NAV3: variants seen among roughly 807,000 people sequenced by gnomAD.
The protein encoded by NAV3 is neuron navigator 3.
In NAV3, 87 loss-of-function variants were observed where a neutral mutation model predicts 244.7. The observed-to-expected ratio is 0.36, with a 90% CI of 0.30 to 0.42. NAV3 has a LOEUF of 0.42. Ranked by LOEUF, NAV3 falls within the 20% of genes least tolerant of loss-of-function variation. The pLI is 1.00. For missense variants in NAV3, 2,663 were observed against 2,893.3 expected, an observed-to-expected ratio of 0.92 and a Z score of 1.83; for synonymous variants, 1,126 against 1,042.2, an observed-to-expected ratio of 1.08 and a Z score of -1.55.
At chr12:78,197,149 C>T (rs942609603) in intron 34 of NAV3, 98 bp from the exon 35 acceptor site, 36 of 862,566 alleles carry the variant, frequency 4.2e-5, no homozygotes, top group African/African-American at 1.2e-4. Flanking sequence ...ATGAAAGAAA[C>T]GGAATAGAGG....
chr12:77,945,367 G>T (rs946128146), intron 3 of NAV3, among the ~76,000 whole-genome samples: 15 of 152,264 alleles, frequency 9.9e-5, no homozygotes, highest in Non-Finnish European at 2.2e-4. Flanking sequence ...AAAAGGTTAT[G>T]ATGGGGTGAA....
chr12:78,050,632 G>T, intron 10 of NAV3, 132 bp from the exon 11 acceptor site: 1 of 923,828 alleles, frequency 1.1e-6, no homozygotes, highest in Non-Finnish European at 1.6e-6. Flanking sequence ...AATGAATATA[G>T]AGTTTAGCTT....
intron 2 of NAV3, among the ~76,000 whole-genome samples, chr12:77,767,538 G>C (rs1480035892): frequency 6.6e-6 from 1 of 152,216 alleles, no homozygotes; most frequent in African/African-American, 2.4e-5. Flanking sequence ...GAGTAGGTGA[G>C]TGTGGGGTCC....
At chr12:77,955,008 C>G (rs1287218088) in intron 3 of NAV3, among the ~76,000 whole-genome samples, 1 of 152,104 alleles carries the variant, frequency 6.6e-6, no homozygotes, top group Non-Finnish European at 1.5e-5. Flanking sequence ...GGAGGATGTT[C>G]CTCATTGAGC....
At chr12:77,874,569 C>T (rs1833360037) in intron 1 of NAV3, among the ~76,000 whole-genome samples, 1 of 151,860 alleles carries the variant, frequency 6.6e-6, no homozygotes, top group Admixed American at 6.6e-5. Context: ...TCTAAACTTA[C>T]TTGCATTGCT....
intron 24 of NAV3, among the ~76,000 whole-genome samples, chr12:78,174,754 G>A (rs916873444): frequency 6.6e-6 from 1 of 151,838 alleles, no homozygotes; most frequent in African/African-American, 2.4e-5. Flanking sequence ...GTTTGACTTT[G>A]GCCAAGTTAC....
At chr12:77,808,644 C>G (rs1431096900) in intron 2 of NAV3, among the ~76,000 whole-genome samples, 1 of 152,180 alleles carries the variant, frequency 6.6e-6, no homozygotes, top group Non-Finnish European at 1.5e-5. Flanking sequence ...AGTCAGGAGG[C>G]GCAGGGATCA....
At chr12:77,821,534 G>A (rs574290717) in intron 2 of NAV3, among the ~76,000 whole-genome samples, 1 of 152,138 alleles carries the variant, frequency 6.6e-6, no homozygotes, top group South Asian at 2.1e-4. Flanking sequence ...AGTATTCCAA[G>A]TGATCCTATA....
chr12:77,667,522 C>T (rs1873770129), intron 2 of NAV3, among the ~76,000 whole-genome samples: 1 of 152,036 alleles, frequency 6.6e-6, no homozygotes, highest in African/African-American at 2.4e-5. Flanking sequence ...TCAGCAGAGG[C>T]AGCCATAATA....
intron 1 of NAV3, among the ~76,000 whole-genome samples, chr12:77,833,751 G>A (rs1194341326): frequency 3.3e-5 from 5 of 152,162 alleles, no homozygotes; most frequent in Admixed American, 2.6e-4. Context: ...ATGAGTGCAA[G>A]GTTCTTTTGA....
chr12:77,808,326 C>T (rs1592701282), intron 2 of NAV3, among the ~76,000 whole-genome samples: 1 of 152,134 alleles, frequency 6.6e-6, no homozygotes, highest in Admixed American at 6.5e-5. Flanking sequence ...TCTACCTTCA[C>T]TCTTTGATGT....
chr12:77,621,045 A>C (rs926563735), intron 2 of NAV3, among the ~76,000 whole-genome samples: 2 of 152,228 alleles, frequency 1.3e-5, no homozygotes, highest in African/African-American at 2.4e-5. Context: ...TGTTTAATGC[A>C]TCAGATAAGA....
chr12:78,103,506 T>C (rs1227130164), intron 12 of NAV3, among the ~76,000 whole-genome samples: 1 of 152,242 alleles, frequency 6.6e-6, no homozygotes, highest in Non-Finnish European at 1.5e-5. Flanking sequence ...CCAAAGTTAC[T>C]TCCACATTTT....
intron 11 of NAV3, among the ~76,000 whole-genome samples, chr12:78,058,002 G>A (rs1883769579): frequency 6.6e-6 from 1 of 152,160 alleles, no homozygotes; most frequent in Non-Finnish European, 1.5e-5. Context: ...ATTTTTAAAT[G>A]TTATCTATGC....
intron 2 of NAV3, among the ~76,000 whole-genome samples, chr12:77,610,698 G>T (rs1370242131): frequency 6.6e-6 from 1 of 152,030 alleles, no homozygotes; most frequent in Non-Finnish European, 1.5e-5. Context: ...ATATGTGACT[G>T]AACTATGAGG....
intron 1 of NAV3, among the ~76,000 whole-genome samples, chr12:77,868,773 A>G (rs1175581570): frequency 7.0e-6 from 1 of 143,060 alleles, no homozygotes; most frequent in African/African-American, 2.6e-5. Context: ...AAAAAAAAAG[A>G]AAAAAAAACT....
chr12:77,794,213 T>C (rs1173344095), intron 2 of NAV3, among the ~76,000 whole-genome samples: 1 of 152,240 alleles, frequency 6.6e-6, no homozygotes, highest in East Asian at 1.9e-4. Flanking sequence ...CCTTGTAGAT[T>C]ATATCATCTA....
At chr12:77,666,422 A>G (rs1873720567) in intron 2 of NAV3, among the ~76,000 whole-genome samples, 1 of 152,166 alleles carries the variant, frequency 6.6e-6, no homozygotes, top group Non-Finnish European at 1.5e-5. Flanking sequence ...GATTACTTGA[A>G]TCATATGAAG....
intron 2 of NAV3, among the ~76,000 whole-genome samples, chr12:77,748,841 T>C (rs1187171184): frequency 1.3e-5 from 2 of 152,162 alleles, no homozygotes; most frequent in East Asian, 3.9e-4. Context: ...GTATTGTGTG[T>C]TTGAAACTTG....
Sources: allele counts gnomAD v4.1 joint callset (sites outside exome capture counted in the v4.1 genomes callset), GRCh38; gene constraint gnomAD v4.1.1; transcripts MANE v1.5; gene names NCBI Gene and HGNC (gene_info 2026-07-23, HGNC 2026-07-21).